ZBTB20: variants seen among roughly 807,000 people sequenced by gnomAD.
ZBTB20 encodes zinc finger and BTB domain-containing protein 20.
ZBTB20 carries 9 observed loss-of-function variants against 56.9 expected under a neutral mutation model. The ratio of observed to expected loss-of-function variants is 0.16; its 90% CI spans 0.10 to 0.28. ZBTB20 has a LOEUF of 0.28. Ranked by LOEUF, ZBTB20 falls within the 10% of genes least tolerant of loss-of-function variation. The pLI is 1.00. For synonymous variants in ZBTB20, 417 were observed against 420.7 expected (o/e 0.99, Z 0.11); for missense variants, 655 against 1,003.0 (o/e 0.65, Z 4.69).
At chr3:114,828,299 G>A (rs947248021) in intron 4 of ZBTB20, among the ~76,000 whole-genome samples, 8 of 151,444 alleles carry the variant, frequency 5.3e-5, no homozygotes, top group Admixed American at 2.0e-4. Flanking sequence ...TTTATAACAC[G>A]TTCCAACAGG....
intron 2 of ZBTB20, among the ~76,000 whole-genome samples, chr3:115,058,856 C>G (rs781211856): frequency 2.0e-5 from 3 of 152,148 alleles, no homozygotes; most frequent in Admixed American, 6.5e-5. Context: ...ATTTGTGTGT[C>G]TGTTTCAATC....
rs1182162609 is a variant in ZBTB20, at chr3:115,000,754, T to C, written c.-506-26338A>G. On this transcript the variant is annotated intron_variant, in intron 2 of 11. Coordinates refer to ENST00000675478, the MANE Select transcript of ZBTB20 (RefSeq NM_001348800.3). The stretch of plus-strand genomic sequence containing the variant: ...AATTTACCAGGTTCCAAATGCTATA[T>C]ATCTGGATAAACTGGTCTCCAAAAG... Among the ~76,000 whole-genome samples the C allele has an allele frequency of 2.0e-5, 3 of 151,760 alleles. No individual in the cohort carries two copies. The East Asian group carries it at 5.9e-4, about 30-fold the overall frequency.
chr3:115,128,838 G>A (rs2084417738), intron 1 of ZBTB20, among the ~76,000 whole-genome samples: 1 of 151,938 alleles, frequency 6.6e-6, no homozygotes, highest in East Asian at 1.9e-4. Context: ...GGTGGCTCAC[G>A]CCTGTAATCC....
chr3:114,613,268 G>C (rs1211173630), intron 6 of ZBTB20, among the ~76,000 whole-genome samples: 1 of 152,152 alleles, frequency 6.6e-6, no homozygotes, highest in Non-Finnish European at 1.5e-5. Context: ...ATGATAACTG[G>C]GGATAGTGAA....
At chr3:114,942,826 G>T (rs1160983925) in intron 3 of ZBTB20, among the ~76,000 whole-genome samples, 1 of 145,404 alleles carries the variant, frequency 6.9e-6, no homozygotes, top group African/African-American at 2.8e-5. Context: ...CAAAGCTCCA[G>T]ATTAGAACAT....
chr3:114,978,668 G>A (rs912595176), intron 2 of ZBTB20, among the ~76,000 whole-genome samples: 2 of 67,976 alleles, frequency 2.9e-5, no homozygotes, highest in Admixed American at 1.6e-4. Context: ...TATGTACCAG[G>A]TGTGTGTGTG....
At chr3:114,385,227 C>A (rs893562918) in intron 8 of ZBTB20, among the ~76,000 whole-genome samples, 1 of 152,136 alleles carries the variant, frequency 6.6e-6, no homozygotes, top group South Asian at 2.1e-4. Context: ...GGAGTCGTAA[C>A]AATTTCCCTA....
At chr3:114,340,724 C>T (rs1226371155) in intron 11 of ZBTB20, among the ~76,000 whole-genome samples, 1 of 152,294 alleles carries the variant, frequency 6.6e-6, no homozygotes, top group East Asian at 1.9e-4. Flanking sequence ...TGTAGGCCCT[C>T]ACCTCAGAGA....
At position 114,787,377 on chromosome 3, in the gene ZBTB20, A is replaced by ACACACACACAC. The variant is rs1450654341; in HGVS notation, c.-343+13713_-343+13723dup. Among the ~76,000 whole-genome samples the ACACACACACAC allele has an allele frequency of 3.4e-4, 48 of 141,514 alleles. 1 individual carries two copies. The South Asian group carries it at 4.7e-3, about 14-fold the overall frequency. The allele number at this position is 141,514 out of a possible 152,430, so 92.8% of individuals were successfully genotyped here. ...TATATATATATATATATACACACAC[A>ACACACACACAC]CACACACACACACACATATATATAC... On this transcript the variant is annotated intron_variant, in intron 5 of 11. Transcript: ENST00000675478.
intron 10 of ZBTB20, among the ~76,000 whole-genome samples, chr3:114,367,422 T>C (rs1485044153): frequency 6.6e-6 from 1 of 152,134 alleles, no homozygotes; most frequent in Admixed American, 6.5e-5. Flanking sequence ...CACACCACTA[T>C]GCCCCGCTAA....
intron 5 of ZBTB20, among the ~76,000 whole-genome samples, chr3:114,739,506 A>C (rs2066424143): frequency 6.6e-6 from 1 of 152,182 alleles, no homozygotes; most frequent in African/African-American, 2.4e-5. Context: ...TTTGTGGTCA[A>C]CCTGTGCAAA....
chr3:114,570,697 G>C (rs1448635583), intron 6 of ZBTB20, among the ~76,000 whole-genome samples: 1 of 152,054 alleles, frequency 6.6e-6, no homozygotes, highest in Admixed American at 6.5e-5. Flanking sequence ...AATAAGGAAA[G>C]CACCCTTTTT....
intron 7 of ZBTB20, among the ~76,000 whole-genome samples, chr3:114,444,021 C>G (rs1367610533): frequency 1.3e-5 from 2 of 152,108 alleles, no homozygotes; most frequent in Admixed American, 1.3e-4. Flanking sequence ...GAATGTGTTT[C>G]TATTTGGGAA....
At position 114,915,335 on chromosome 3, in the gene ZBTB20, G is replaced by T. The variant is rs574920755; in HGVS notation, c.-455-14993C>A. Among the ~76,000 whole-genome samples, 5 of 151,770 alleles carry T rather than the reference G, an allele frequency of 3.3e-5. No homozygotes were observed. In the South Asian group the frequency reaches 1.0e-3, roughly 32 times the overall value. ...CTAGGAATTTACTCATTTCTTCTAG[G>T]TTTTCCAATTTATTTACATGTATTA... On this transcript the variant is annotated intron_variant, in intron 3 of 11. Coordinates refer to ENST00000675478, the MANE Select transcript of ZBTB20 (RefSeq NM_001348800.3).
At chr3:115,023,035 T>TA (rs2080269672) in intron 2 of ZBTB20, among the ~76,000 whole-genome samples, 1 of 150,914 alleles carries the variant, frequency 6.6e-6, no homozygotes, top group Non-Finnish European at 1.5e-5. Context: ...GGTAAGGAGA[T>TA]AACCTTCAAT....
At chr3:115,027,700 T>G (rs2080482070) in intron 2 of ZBTB20, 1 of 150,984 alleles carries the variant, frequency 6.6e-6, no homozygotes, top group African/African-American at 2.4e-5. Context: ...AGAAATGTAC[T>G]ACAAATATTC....
intron 5 of ZBTB20, among the ~76,000 whole-genome samples, chr3:114,786,608 G>A (rs2070513416): frequency 6.8e-6 from 1 of 146,982 alleles, no homozygotes; most frequent in Non-Finnish European, 1.5e-5. Flanking sequence ...TCTTTTTCCT[G>A]TGGAAAATAG....
intron 10 of ZBTB20, among the ~76,000 whole-genome samples, chr3:114,360,647 G>A (rs187537665): frequency 0.015 from 2,250 of 152,066 alleles, 39 homozygotes; most frequent in Non-Finnish European, 0.017. Flanking sequence ...CACTGTGCCC[G>A]GCCAATTTCT....
At chr3:114,737,470 C>G (rs1221245196) in intron 5 of ZBTB20, among the ~76,000 whole-genome samples, 1 of 152,072 alleles carries the variant, frequency 6.6e-6, no homozygotes, top group African/African-American at 2.4e-5. Flanking sequence ...TGAAATGGAA[C>G]AAGCAAGCTT....
Sources: gnomAD v4.1 joint callset for allele counts (sites outside exome capture counted in the v4.1 genomes callset) on GRCh38, gnomAD v4.1.1 for gene constraint, MANE v1.5 for transcripts, NCBI Gene and HGNC (gene_info 2026-07-23, HGNC 2026-07-21) for gene names.